The following ATRNL1 variants were observed in gnomAD, a reference collection of about 807,000 sequenced individuals.
ATRNL1 encodes attractin like 1.
ATRNL1 carries 95 observed loss-of-function variants against 182.7 expected under a neutral mutation model. That is an observed-to-expected ratio of 0.52 (90% confidence interval 0.44 to 0.62). The LOEUF (loss-of-function observed/expected upper bound fraction) is 0.62. Ranked by LOEUF, ATRNL1 falls within the 20% of genes least tolerant of loss-of-function variation. ATRNL1 has a pLI of 0.00. For synonymous variants in ATRNL1, 576 were observed against 568.3 expected, an observed-to-expected ratio of 1.01 and a Z score of -0.19; for missense variants, 1,471 against 1,679.5, an observed-to-expected ratio of 0.88 and a Z score of 2.17.
chr10:115,665,728 T>C (rs571379764), intron 26 of ATRNL1, among the ~76,000 whole-genome samples: 53 of 152,286 alleles, frequency 3.5e-4, no homozygotes, highest in African/African-American at 1.3e-3. Context: ...TGACCACTGT[T>C]GCTCATCCAG....
intron 28 of ATRNL1, among the ~76,000 whole-genome samples, chr10:115,909,134 G>A (rs1952590195): frequency 6.6e-6 from 1 of 152,054 alleles, no homozygotes; most frequent in South Asian, 2.1e-4. Context: ...TAGTGAACTT[G>A]TTTTCTCTCT....
intron 13 of ATRNL1, among the ~76,000 whole-genome samples, chr10:115,274,851 C>G (rs1280126785): frequency 6.6e-6 from 1 of 152,188 alleles, no homozygotes; most frequent in East Asian, 1.9e-4. Flanking sequence ...ATTGCCCAAG[C>G]AATGAAACCA....
chr10:115,845,243 A>T (rs1273898129), intron 27 of ATRNL1, among the ~76,000 whole-genome samples: 3 of 152,214 alleles, frequency 2.0e-5, no homozygotes, highest in South Asian at 2.1e-4. Flanking sequence ...TAGAAGTATA[A>T]TCTCCTTTTA....
At chr10:115,868,621 G>A (rs1555105299) in intron 28 of ATRNL1, among the ~76,000 whole-genome samples, 1 of 152,032 alleles carries the variant, frequency 6.6e-6, no homozygotes, top group Non-Finnish European at 1.5e-5. Flanking sequence ...AAGCCCTAAA[G>A]AAGGCATGCA....
chr10:115,492,023 G>C (rs1476888528), intron 24 of ATRNL1, among the ~76,000 whole-genome samples: 1 of 152,128 alleles, frequency 6.6e-6, no homozygotes, highest in Non-Finnish European at 1.5e-5. Context: ...GGCTTCCCAG[G>C]TAAGGCGATG....
At chr10:115,184,448 A>G (rs929165114) in intron 8 of ATRNL1, among the ~76,000 whole-genome samples, 15 of 151,546 alleles carry the variant, frequency 9.9e-5, no homozygotes, top group Non-Finnish European at 1.6e-4. Flanking sequence ...ACACACAACT[A>G]TATAACTATG....
At chr10:115,186,390 G>A (rs1847941948) in intron 8 of ATRNL1, among the ~76,000 whole-genome samples, 1 of 151,934 alleles carries the variant, frequency 6.6e-6, no homozygotes, top group Non-Finnish European at 1.5e-5. Flanking sequence ...GATCATTATA[G>A]CGAAGAGATA....
chr10:115,275,467 A>G (rs1554914573), intron 13 of ATRNL1, among the ~76,000 whole-genome samples: 1 of 152,218 alleles, frequency 6.6e-6, no homozygotes, highest in Non-Finnish European at 1.5e-5. Context: ...CTTCATGCTC[A>G]ACTCACCAAT....
chr10:115,398,614 A>G (rs532174355), intron 20 of ATRNL1, among the ~76,000 whole-genome samples: 10 of 152,026 alleles, frequency 6.6e-5, no homozygotes, highest in Non-Finnish European at 7.4e-5. Context: ...GGCCGAGACT[A>G]TGGGGTTTTC....
intron 28 of ATRNL1, among the ~76,000 whole-genome samples, chr10:115,855,804 T>C (rs1951167212): frequency 6.6e-6 from 1 of 152,326 alleles, no homozygotes; most frequent in East Asian, 1.9e-4. Flanking sequence ...CTTGTTTAGC[T>C]TTAAGTTTCA....
At chr10:115,392,138 A>G (rs994090623) in intron 19 of ATRNL1, among the ~76,000 whole-genome samples, 1 of 152,164 alleles carries the variant, frequency 6.6e-6, no homozygotes, top group South Asian at 2.1e-4. Context: ...TATATAAATT[A>G]CTAACAGTTT....
chr10:115,177,903 G>GTTTT (rs147613896), intron 8 of ATRNL1, among the ~76,000 whole-genome samples: 2 of 102,082 alleles, frequency 2.0e-5, no homozygotes, highest in African/African-American at 4.3e-5. Context: ...TTGTTTTTTT[G>GTTTT]TTTTTTTTGT....
rs369724298 is a variant in ATRNL1 at position 115,530,209 on chromosome 10, T to A, written c.3716+10885T>A. Among the ~76,000 whole-genome samples the A allele has an allele frequency of 2.7e-4, 41 of 152,316 alleles. 1 individual carries two copies. The South Asian group carries it at 7.9e-3, about 29-fold the overall frequency. On this transcript the variant is annotated intron_variant, in intron 25 of 28. Coordinates refer to ENST00000355044, the MANE Select transcript of ATRNL1 (RefSeq NM_207303.4). ...ATTTGTGTGTAAGTTTTTATGTGGA[T>A]ATATATTTTCATTTCTCTTAAGTAT...
At chr10:115,668,015 A>C (rs1191225708) in intron 26 of ATRNL1, among the ~76,000 whole-genome samples, 1 of 152,038 alleles carries the variant, frequency 6.6e-6, no homozygotes, top group Admixed American at 6.6e-5. Context: ...CTTAGTTTCA[A>C]AGGATGGAGA....
chr10:115,919,182 A>G (rs1209386598), intron 28 of ATRNL1, among the ~76,000 whole-genome samples: 5 of 152,196 alleles, frequency 3.3e-5, no homozygotes, highest in African/African-American at 7.2e-5. Context: ...TGATTATGCA[A>G]AAGAGGTGTT....
chr10:115,863,363 A>G (rs550615300), intron 28 of ATRNL1, among the ~76,000 whole-genome samples: 27 of 152,344 alleles, frequency 1.8e-4, no homozygotes, highest in Admixed American at 1.0e-3. Flanking sequence ...TAACACCAAA[A>G]GCAACCAAAA....
At chr10:115,701,868 T>C (rs1212538880) in intron 26 of ATRNL1, among the ~76,000 whole-genome samples, 3 of 151,896 alleles carry the variant, frequency 2.0e-5, no homozygotes, top group Non-Finnish European at 2.9e-5. Context: ...CTACTAGACA[T>C]ACAAAGGAGA....
At chr10:115,342,190 G>A (rs782720638) in intron 19 of ATRNL1, among the ~76,000 whole-genome samples, 20 of 151,778 alleles carry the variant, frequency 1.3e-4, no homozygotes, top group Middle Eastern at 3.2e-3. Flanking sequence ...CGCGAGACTT[G>A]TAAATAGTAC....
intron 21 of ATRNL1, among the ~76,000 whole-genome samples, chr10:115,434,493 A>G (rs1846310727): frequency 6.6e-6 from 1 of 152,200 alleles, no homozygotes. Flanking sequence ...CCTCTTAACC[A>G]TTAAAGAAGT....
Sources: allele counts gnomAD v4.1 joint callset (sites outside exome capture counted in the v4.1 genomes callset), GRCh38; gene constraint gnomAD v4.1.1; transcripts MANE v1.5; gene names NCBI Gene and HGNC (gene_info 2026-07-23, HGNC 2026-07-21).